GK: variants seen among roughly 807,000 people sequenced by gnomAD.
The protein encoded by GK is glycerol kinase, also known as ATP:glycerol 3-phosphotransferase.
A neutral mutation model predicts 56.4 loss-of-function variants in GK; 9 were observed. The observed-to-expected ratio is 0.16, with a 90% CI of 0.10 to 0.28. The LOEUF is 0.28. Among genes scored for constraint, GK ranks in the 10% least tolerant of loss-of-function variants. GK has a pLI of 1.00. For synonymous variants in GK, 104 were observed against 144.1 expected, an observed-to-expected ratio of 0.72 and a Z score of 1.99; for missense variants, 161 against 431.4, an observed-to-expected ratio of 0.37 and a Z score of 5.55.
At chrX:30,677,956 A>G in intron 4 of GK, 1 of 540,382 alleles carries the variant, frequency 1.9e-6, no homozygotes. Context: ...ACATATTCAC[A>G]TAGTGAATTA....
At chrX:30,674,279 A>G (rs1413266233) in intron 3 of GK, 1 of 330,844 alleles carries the variant, frequency 3.0e-6, no homozygotes, top group Non-Finnish European at 5.9e-6. Flanking sequence ...ATGGTGCCCC[A>G]AACTCTTGCC....
At chrX:30,718,877 T>C (rs1460597504) in intron 14 of GK, among the ~76,000 whole-genome samples, 1 of 112,007 alleles carries the variant, frequency 8.9e-6, no homozygotes, top group Non-Finnish European at 1.9e-5. Context: ...CACTGGAGAT[T>C]GCCAGAACCT....
At chrX:30,691,367 T>C (rs181283358) in intron 5 of GK, among the ~76,000 whole-genome samples, 168 bp downstream of exon 5, 1 of 111,202 alleles carries the variant, frequency 9.0e-6, no homozygotes, top group Non-Finnish European at 1.9e-5. Context: ...TTCCCGTCTT[T>C]CTTGCTCTGT....
intron 1 of GK, among the ~76,000 whole-genome samples, chrX:30,662,825 C>CTT (rs1932812344): frequency 6.0e-5 from 1 of 16,640 alleles, no homozygotes; most frequent in African/African-American, 1.6e-4. Context: ...CTCTCTCTCT[C>CTT]TCTCTCTCTT....
At position 30,730,808 on chromosome X, in the gene GK, G is replaced by A. The variant is rs1320022265; in HGVS notation, c.*2066G>A. The A allele has an allele frequency of 9.0e-6, 1 of 110,514 alleles. No individual in the cohort carries two copies. Among genetic ancestry groups the A allele is most frequent in the African/African-American group, 3.3e-5 (1 of 30,452 alleles). The allele number at this position is 110,514 out of a possible 1,213,427, so 9.1% of individuals were successfully genotyped here. A position where few individuals can be genotyped will look rare whatever the true frequency, so the allele number is the denominator to read the frequency against. On this transcript the variant is annotated 3_prime_UTR_variant, in exon 21 of 21. Transcript: ENST00000427190. Reference sequence around the variant, plus strand: ...ATCTCTACTAAAAAAAAAAAAAGATGTTTCAGGACATGTGAAACTTGGCTG... The same window carrying A: ...ATCTCTACTAAAAAAAAAAAAAGATATTTCAGGACATGTGAAACTTGGCTG...
intron 11 of GK, 34 bp from the exon 12 acceptor site, chrX:30,707,522 A>T: frequency 1.2e-6 from 1 of 868,419 alleles, no homozygotes. Context: ...TTTCAATAAA[A>T]TTGTCTTACT....
At chrX:30,671,828 G>C (rs1443537395) in intron 3 of GK, 1 of 111,561 alleles carries the variant, frequency 9.0e-6, no homozygotes, top group South Asian at 3.7e-4. Context: ...AGTATAAAGA[G>C]TTACAGTAGC....
At chrX:30,712,099 C>T (rs1240566459) in intron 13 of GK, among the ~76,000 whole-genome samples, 1 of 112,192 alleles carries the variant, frequency 8.9e-6, no homozygotes, top group African/African-American at 3.2e-5. Context: ...GCTTCTTTCA[C>T]TCAACATTAT....
intron 13 of GK, among the ~76,000 whole-genome samples, chrX:30,712,953 C>T (rs182821469): frequency 3.1e-4 from 34 of 110,381 alleles, no homozygotes; most frequent in Non-Finnish European, 5.7e-4. Context: ...CCAGGATGGT[C>T]TCGATCTCCT....
At chrX:30,677,481 T>A in intron 4 of GK, 29 bp downstream of exon 4, 1 of 817,766 alleles carries the variant, frequency 1.2e-6, no homozygotes, top group Non-Finnish European at 1.9e-6. Context: ...ATGTCAAATG[T>A]AGGGCCTTTC....
intron 9 of GK, among the ~76,000 whole-genome samples, chrX:30,697,996 A>G (rs917736506): frequency 1.8e-5 from 2 of 112,143 alleles, no homozygotes; most frequent in Non-Finnish European, 3.8e-5. Flanking sequence ...AGATTCTGAT[A>G]TTCTCATAAA....
chrX:30,710,457 A>G (rs755447622), intron 13 of GK, among the ~76,000 whole-genome samples: 2 of 111,881 alleles, frequency 1.8e-5, no homozygotes, highest in African/African-American at 6.5e-5. Flanking sequence ...CAATTAACAA[A>G]CATTTAAAAA....
Position 30,694,525 on chromosome X carries a change from A to G in GK, c.540A>G (p.Ser180=). 1 of 1,205,666 alleles carries G rather than the reference A, an allele frequency of 8.3e-7. No individual in the cohort carries two copies. Among genetic ancestry groups the G allele is most frequent in the Non-Finnish European group, 1.1e-6 (1 of 890,031 alleles). Residue 180 remains serine (S), a synonymous_variant, in exon 6 of 21, where the codon TCA becomes TCG. Transcript: ENST00000427190. ...GAGCTCTTTTTGGGACTATTGATTC[A>G]TGGCTTATTTGGGTATGTTTAAATA... ...EKRALFGTID[S]WLIWSLTGGV...
At chrX:30,707,894 G>A (rs1936100775) in intron 12 of GK, among the ~76,000 whole-genome samples, 160 bp from the exon 13 acceptor site, 1 of 111,802 alleles carries the variant, frequency 8.9e-6, no homozygotes, top group African/African-American at 3.2e-5. Flanking sequence ...CAGCTTAAAT[G>A]TGTTCTTAAT....
At position 30,696,605 on chromosome X, in the gene GK, C is replaced by T. The variant is rs748907290; in HGVS notation, c.663-12C>T. On this transcript the variant is annotated splice_polypyrimidine_tract_variant and intron_variant, in intron 7 of 20. Coordinates refer to ENST00000427190, the MANE Select transcript of GK (RefSeq NM_001205019.2). ...AAAACAGTGTTAAATACCCAATCTT[C>T]TTGTTTTTCAGATTTTTTGGAATTC... The T allele has an allele frequency of 1.6e-5, 19 of 1,165,971 alleles. No homozygotes were observed. Among genetic ancestry groups the T allele is most frequent in the Non-Finnish European group, 2.2e-5 (19 of 855,622 alleles).
intron 18 of GK, 81 bp downstream of exon 18, chrX:30,721,076 TA>T (rs1936874020): frequency 1.0e-6 from 1 of 992,549 alleles, no homozygotes; most frequent in Non-Finnish European, 1.4e-6. Context: ...TCTGTTTAGT[TA>T]AAAGTTAAGG....
chrX:30,668,567 C>T (rs988076100), intron 3 of GK, among the ~76,000 whole-genome samples: 2 of 111,571 alleles, frequency 1.8e-5, no homozygotes, highest in African/African-American at 6.5e-5. Context: ...GGGACATTTC[C>T]GGGTCAGAAA....
At chrX:30,721,323 A>G (rs1333231710) in intron 18 of GK, 3 of 248,869 alleles carry the variant, frequency 1.2e-5, no homozygotes, top group Non-Finnish European at 2.1e-5. Context: ...ACGGAGTCTC[A>G]CTTTGTTGCC....
At chrX:30,658,974 C>G (rs1039236823) in intron 1 of GK, among the ~76,000 whole-genome samples, 3 of 112,654 alleles carry the variant, frequency 2.7e-5, no homozygotes, top group Non-Finnish European at 5.6e-5. Flanking sequence ...AAATCAGAAA[C>G]TATAGCTCTA....
Sources: allele counts gnomAD v4.1 joint callset (sites outside exome capture counted in the v4.1 genomes callset), GRCh38; gene constraint gnomAD v4.1.1; transcripts MANE v1.5; gene names NCBI Gene and HGNC (gene_info 2026-07-23, HGNC 2026-07-21).